The following MYT1L variants were observed in gnomAD, a reference collection of about 807,000 sequenced individuals.
MYT1L encodes myelin transcription factor 1 like, also known as myelin transcription factor 1-like protein.
A neutral mutation model predicts 126.7 loss-of-function variants in MYT1L; 12 were observed. The ratio of observed to expected loss-of-function variants is 0.09; its 90% confidence interval spans 0.06 to 0.15. The LOEUF (loss-of-function observed/expected upper bound fraction) is 0.15. Ranked by LOEUF, MYT1L falls within the 10% of genes least tolerant of loss-of-function variation. MYT1L has a pLI of 1.00. For synonymous variants in MYT1L, 541 were observed against 604.2 expected (o/e 0.90, Z 1.53); for missense variants, 979 against 1,585.2 (o/e 0.62, Z 6.49).
chr2:2,074,424 T>C (rs749299094), intron 3 of MYT1L, among the ~76,000 whole-genome samples: 8 of 152,110 alleles, frequency 5.3e-5, no homozygotes, highest in Non-Finnish European at 1.2e-4. Context: ...TGCTCATACC[T>C]TTACCAAAGA....
chr2:2,309,553 C>T (rs1441567877), intron 1 of MYT1L, among the ~76,000 whole-genome samples: 1 of 151,874 alleles, frequency 6.6e-6, no homozygotes, highest in East Asian at 1.9e-4. Context: ...TCTACCTATA[C>T]TCTACCCACA....
chr2:1,833,129 A>G (rs776636700), intron 21 of MYT1L, among the ~76,000 whole-genome samples: 2 of 152,202 alleles, frequency 1.3e-5, no homozygotes, highest in Non-Finnish European at 2.9e-5. Flanking sequence ...AAGCCTCCTC[A>G]GATTTCTCTG....
intron 1 of MYT1L, among the ~76,000 whole-genome samples, chr2:2,292,817 T>C (rs1427078115): frequency 6.6e-6 from 1 of 152,164 alleles, no homozygotes; most frequent in Non-Finnish European, 1.5e-5. Context: ...CTATTCTCCC[T>C]AATTTATTTT....
intron 8 of MYT1L, among the ~76,000 whole-genome samples, chr2:1,945,054 T>C (rs996093479): frequency 2.0e-5 from 3 of 152,072 alleles, no homozygotes; most frequent in Non-Finnish European, 4.4e-5. Context: ...GACATGAACA[T>C]ATGTAAGAAC....
chr2:2,278,555 T>G (rs546476035), intron 2 of MYT1L, among the ~76,000 whole-genome samples: 80 of 152,342 alleles, frequency 5.3e-4, no homozygotes, highest in Non-Finnish European at 8.5e-4. Flanking sequence ...TATATTATTT[T>G]GAAGAACATT....
At chr2:2,155,283 T>G (rs2086541009) in intron 3 of MYT1L, among the ~76,000 whole-genome samples, 1 of 152,200 alleles carries the variant, frequency 6.6e-6, no homozygotes, top group Non-Finnish European at 1.5e-5. Flanking sequence ...GTATCCAAAG[T>G]GGCTCCTGGA....
rs1371428433 is a variant in MYT1L at position 2,305,027 on chromosome 2, T to A, written c.-520-20524A>T. 5.3e-5 allele frequency among the ~76,000 whole-genome samples: 8 copies of A among 152,238 alleles called. No homozygotes were observed. The East Asian group carries it at 1.3e-3, about 26-fold the overall frequency. On this transcript the variant is annotated intron_variant, in intron 1 of 24. Transcript: ENST00000647738. ...ATATCTCATTAAAATTATCCTGTAC[T>A]GTTTATATATTAAAATGATTATTAT...
chr2:1,931,069 C>A (rs1017893498), intron 9 of MYT1L, among the ~76,000 whole-genome samples: 3 of 152,188 alleles, frequency 2.0e-5, no homozygotes, highest in African/African-American at 4.8e-5. Context: ...ACACACCCTG[C>A]ATGTGGGAAA....
Position 1,943,735 on chromosome 2 carries a change from A to G in MYT1L, c.153-401T>C, listed in dbSNP as rs2056918985. ...ATAATATACATCTGAAGCAAGATTT[A>G]TTTTAATCACATTATATTTACATAT... is the stretch of plus-strand genomic sequence containing the variant. On this transcript the variant is annotated intron_variant, in intron 8 of 24. Coordinates refer to ENST00000647738, the MANE Select transcript of MYT1L (RefSeq NM_001303052.2). This position sits in a 1 kb window ranked among gnomAD's most constrained non-coding sequence, Gnocchi z 4.4. Among the ~76,000 whole-genome samples the G allele has an allele frequency of 1.3e-5, 2 of 152,216 alleles. No individual in the cohort carries two copies. The highest frequency in any genetic ancestry group is 4.1e-4 in the South Asian group (2 of 4,834).
intron 23 of MYT1L, among the ~76,000 whole-genome samples, chr2:1,800,962 G>A (rs948187451): frequency 2.0e-5 from 3 of 152,054 alleles, no homozygotes; most frequent in Admixed American, 6.6e-5. Context: ...AGGGTCGGGT[G>A]GTCAGCAAAT....
At chr2:2,282,196 C>T (rs986808980) in intron 2 of MYT1L, among the ~76,000 whole-genome samples, 1 of 152,204 alleles carries the variant, frequency 6.6e-6, no homozygotes, top group Non-Finnish European at 1.5e-5. Context: ...GGATCATGTT[C>T]TATCATTTAC....
At chr2:2,209,310 G>A (rs1180370704) in intron 2 of MYT1L, among the ~76,000 whole-genome samples, 1 of 151,968 alleles carries the variant, frequency 6.6e-6, no homozygotes, top group East Asian at 1.9e-4. Flanking sequence ...ATTGACTATA[G>A]TCCCCTTGTT....
chr2:2,068,685 TA>T, intron 3 of MYT1L, among the ~76,000 whole-genome samples: 1 of 144,928 alleles, frequency 6.9e-6, no homozygotes, highest in Admixed American at 7.3e-5. Context: ...AATCTGAAGA[TA>T]AAAATTATGA....
chr2:2,253,842 A>G (rs2094729469), intron 2 of MYT1L, among the ~76,000 whole-genome samples: 1 of 151,970 alleles, frequency 6.6e-6, no homozygotes, highest in Non-Finnish European at 1.5e-5. Flanking sequence ...TCCCGGAAAC[A>G]ATCATTCCAG....
At position 1,992,362 on chromosome 2, in the gene MYT1L, G is replaced by A. The variant is rs541338120; in HGVS notation, c.-1+4829C>T. Among the ~76,000 whole-genome samples the A allele has an allele frequency of 2.4e-4, 36 of 151,908 alleles. No homozygotes were observed. In the South Asian group the frequency reaches 4.6e-3, roughly 19 times the overall value. On this transcript the variant is annotated intron_variant, in intron 5 of 24. Coordinates refer to ENST00000647738, the MANE Select transcript of MYT1L (RefSeq NM_001303052.2). ...GTTTTGGCTGTTGCCATTTTTTCCC[G>A]TTTCCTTGCATCTGCCTGGACACCA...
At chr2:2,043,726 C>T (rs1282241760) in intron 4 of MYT1L, among the ~76,000 whole-genome samples, 1 of 152,170 alleles carries the variant, frequency 6.6e-6, no homozygotes, top group Non-Finnish European at 1.5e-5. Flanking sequence ...CAGTGCTGCC[C>T]ACATCAGGAG....
At chr2:2,283,253 T>G (rs1026865680) in intron 2 of MYT1L, among the ~76,000 whole-genome samples, 1 of 152,236 alleles carries the variant, frequency 6.6e-6, no homozygotes, top group African/African-American at 2.4e-5. Flanking sequence ...TGTCACTGAA[T>G]TTTTGAATTT....
At chr2:2,007,267 C>G (rs190595177) in intron 4 of MYT1L, among the ~76,000 whole-genome samples, 134 of 152,232 alleles carry the variant, frequency 8.8e-4, no homozygotes, top group Non-Finnish European at 1.7e-3. Flanking sequence ...CTGTACCAAG[C>G]CACATTCCCA....
chr2:2,115,318 A>G (rs1050518918), intron 3 of MYT1L, among the ~76,000 whole-genome samples: 9 of 152,226 alleles, frequency 5.9e-5, no homozygotes, highest in African/African-American at 2.2e-4. Context: ...TATCTCCAGC[A>G]CCTAATACAG....
Sources: gnomAD v4.1 joint callset for allele counts (sites outside exome capture counted in the v4.1 genomes callset) on GRCh38, gnomAD v4.1.1 for gene constraint, Gnocchi (gnomAD v3.1) non-coding constraint, MANE v1.5 for transcripts, NCBI Gene and HGNC (gene_info 2026-07-23, HGNC 2026-07-21) for gene names.